Variants in KDM6A observed in about 807,000 individuals in gnomAD.
KDM6A encodes the protein lysine demethylase 6A.
KDM6A carries 11 observed loss-of-function variants against 117.6 expected under a neutral mutation model. The observed-to-expected ratio is 0.09, with a 90% CI of 0.06 to 0.15. The LOEUF (loss-of-function observed/expected upper bound fraction) is 0.15, where lower values mean the gene tolerates loss of function less well. Among genes scored for constraint, KDM6A ranks in the 10% least tolerant of loss-of-function variants. The probability of loss-of-function intolerance (pLI) is 1.00; values close to 1 mark genes in which losing one functional copy is unlikely to be tolerated. For synonymous variants in KDM6A, 384 were observed against 396.1 expected (o/e 0.97, Z 0.36); for missense variants, 799 against 1,077.3 (o/e 0.74, Z 3.62).
intron 27 of KDM6A, among the ~76,000 whole-genome samples, chrX:45,099,819 G>A (rs1446611068): frequency 9.0e-6 from 1 of 111,678 alleles, no homozygotes; most frequent in Non-Finnish European, 1.9e-5. Flanking sequence ...CAGATCACAA[G>A]GTCAGGAGAT....
At chrX:45,087,377 C>CA (rs999490150) in intron 25 of KDM6A, among the ~76,000 whole-genome samples, 5 of 112,691 alleles carry the variant, frequency 4.4e-5, no homozygotes, top group African/African-American at 1.6e-4. Flanking sequence ...AGTTGAAAAA[C>CA]AAAAAAATAT....
chrX:45,039,304 C>T (rs1295948222), intron 8 of KDM6A, among the ~76,000 whole-genome samples: 2 of 109,492 alleles, frequency 1.8e-5, no homozygotes, highest in African/African-American at 6.7e-5. Context: ...GCTAAAGAAG[C>T]AGAAGTTTTT....
intron 3 of KDM6A, among the ~76,000 whole-genome samples, chrX:44,969,509 C>T (rs1424481926): frequency 2.9e-5 from 3 of 104,364 alleles, no homozygotes; most frequent in African/African-American, 1.1e-4. Context: ...GCTCTGCCTC[C>T]CGGGTTCACG....
At chrX:44,919,312 C>T (rs1480376316) in intron 2 of KDM6A, among the ~76,000 whole-genome samples, 4 of 111,209 alleles carry the variant, frequency 3.6e-5, no homozygotes, top group Non-Finnish European at 5.7e-5. Context: ...CTGACATTTT[C>T]TCAGACTTTC....
chrX:44,892,351 G>A (rs2033434484), intron 2 of KDM6A, among the ~76,000 whole-genome samples: 1 of 111,519 alleles, frequency 9.0e-6, no homozygotes, highest in South Asian at 3.7e-4. Context: ...TTAGGGTCAG[G>A]AGTTTGAGAC....
chrX:44,942,985 T>C lies in KDM6A; in HGVS notation c.226-18299T>C, dbSNP rs923167206. ...ACTATGTCATGTGTAGAATGGACTT[T>C]ACAAGAGTATATACTTCATTTCTCT... On this transcript the variant is annotated intron_variant, in intron 2 of 29. Coordinates refer to ENST00000611820, the MANE Select transcript of KDM6A (RefSeq NM_001291415.2). Among the ~76,000 whole-genome samples the C allele has an allele frequency of 2.7e-5, 3 of 111,529 alleles. No individual in the cohort carries two copies. In the East Asian group the frequency reaches 8.5e-4, roughly 31 times the overall value.
At chrX:45,097,434 T>TG (rs780131529) in intron 27 of KDM6A, among the ~76,000 whole-genome samples, 2 of 111,403 alleles carry the variant, frequency 1.8e-5, no homozygotes, top group Non-Finnish European at 3.8e-5. Flanking sequence ...CAGGGTCTGT[T>TG]GCAGTATCCT....
intron 23 of KDM6A, 101 bp downstream of exon 23, chrX:45,082,890 A>T (rs2045479423): frequency 5.4e-6 from 3 of 556,000 alleles, no homozygotes; most frequent in South Asian, 2.9e-5. Flanking sequence ...ATTTATTGTC[A>T]TTTTTTTTAA....
At chrX:44,954,047 G>A (rs1191105065) in intron 2 of KDM6A, among the ~76,000 whole-genome samples, 1 of 99,268 alleles carries the variant, frequency 1.0e-5, no homozygotes, top group Admixed American at 1.2e-4. Flanking sequence ...GACAGAGTGA[G>A]ACCTTGCCTT....
At chrX:44,992,771 C>T (rs1203759737) in intron 4 of KDM6A, among the ~76,000 whole-genome samples, 1 of 109,592 alleles carries the variant, frequency 9.1e-6, no homozygotes, top group Admixed American at 9.8e-5. Context: ...TGGTCTCAAT[C>T]TCCTGACCAT....
chrX:45,060,745 G>T lies in KDM6A; in HGVS notation c.1466G>T (p.Arg489Ile). The T allele has an allele frequency of 9.4e-7, 1 of 1,062,765 alleles. No individual in the cohort carries two copies. Among genetic ancestry groups the T allele is most frequent in the South Asian group, 2.0e-5 (1 of 51,002 alleles). 87.6% of individuals were successfully genotyped at this position (1,062,765 alleles called of 1,213,427 possible). The change falls in exon 14 of 30, where the codon AGA becomes ATA. Residue 489 changes from arginine (R) to isoleucine (I), a missense_variant. Transcript: ENST00000611820. ...DDLSSPAKRK[R>I]TSSPTKNTSD... is the part of the protein sequence containing the mutation. ...CTGTCCAGTCCTGCCAAGAGGAAAA[G>T]AACATCTAGTCCAACAAAGGTATAT...
intron 2 of KDM6A, among the ~76,000 whole-genome samples, chrX:44,907,327 G>C (rs1259859773): frequency 3.6e-5 from 4 of 111,181 alleles, no homozygotes; most frequent in African/African-American, 1.3e-4. Flanking sequence ...GCCCAGGCTG[G>C]AGTGCAGTGG....
chrX:44,904,504 T>G (rs907910276), intron 2 of KDM6A, among the ~76,000 whole-genome samples: 4 of 112,240 alleles, frequency 3.6e-5, no homozygotes, highest in Non-Finnish European at 7.5e-5. Context: ...GGTCTTTTGT[T>G]TGTCTCTGTT....
chrX:44,982,014 C>G (rs988603112), intron 4 of KDM6A, among the ~76,000 whole-genome samples: 11 of 111,896 alleles, frequency 9.8e-5, no homozygotes, highest in African/African-American at 3.6e-4. Flanking sequence ...ACCCGGGAGG[C>G]AGAGGTTGCA....
chrX:45,046,562 C>A (rs1249566229), intron 8 of KDM6A, among the ~76,000 whole-genome samples: 3 of 111,676 alleles, frequency 2.7e-5, no homozygotes, highest in Non-Finnish European at 5.6e-5. Flanking sequence ...GAGTGTTCAG[C>A]AAAGTATATT....
chrX:45,039,676 T>C (rs1166589311), intron 8 of KDM6A, among the ~76,000 whole-genome samples: 1 of 76,464 alleles, frequency 1.3e-5, no homozygotes, highest in African/African-American at 4.8e-5. Flanking sequence ...AGTGTTTGTG[T>C]CCCTGGGTAC....
intron 8 of KDM6A, among the ~76,000 whole-genome samples, chrX:45,040,479 G>A (rs1402198657): frequency 1.2e-5 from 1 of 84,111 alleles, no homozygotes; most frequent in African/African-American, 4.5e-5. Flanking sequence ...CGGATGGGGC[G>A]GCTGGCCAGG....
intron 5 of KDM6A, among the ~76,000 whole-genome samples, chrX:45,012,196 GATTT>G (rs1309209538): frequency 2.5e-3 from 204 of 82,089 alleles, no homozygotes; most frequent in African/African-American, 9.7e-3. Flanking sequence ...ACCCAATGTA[GATTT>G]TTTTTTTTTT....
intron 3 of KDM6A, among the ~76,000 whole-genome samples, chrX:44,963,483 G>GTGTGTCTGTCTGTC (rs1481840859): frequency 4.9e-3 from 201 of 40,883 alleles, no homozygotes; most frequent in African/African-American, 0.014. Context: ...GTGTGTGTGT[G>GTGTGTCTGTCTGTC]TGTCTGTCTG....
Sources: gnomAD v4.1 joint callset for allele counts (sites outside exome capture counted in the v4.1 genomes callset) on GRCh38, gnomAD v4.1.1 for gene constraint, MANE v1.5 for transcripts, NCBI Gene and HGNC (gene_info 2026-07-23, HGNC 2026-07-21) for gene names.